Variants in MYOM3 observed in about 807,000 individuals in gnomAD.
MYOM3 encodes myomesin-3.
In MYOM3, 155 loss-of-function variants were observed where a neutral mutation model predicts 191.7. The ratio of observed to expected loss-of-function variants is 0.81; its 90% CI spans 0.71 to 0.92. The LOEUF (loss-of-function observed/expected upper bound fraction) is 0.92. Among genes scored for constraint, MYOM3 ranks in the 40% least tolerant of loss-of-function variants. The pLI is 0.00. For missense variants in MYOM3, 1,889 were observed against 1,890.6 expected, an observed-to-expected ratio of 1.00 and a Z score of 0.02; for synonymous variants, 757 against 762.9, an observed-to-expected ratio of 0.99 and a Z score of 0.13.
chr1:24,110,461 A>C (rs996424928), intron 1 of MYOM3, among the ~76,000 whole-genome samples: 15 of 152,134 alleles, frequency 9.9e-5, no homozygotes, highest in Non-Finnish European at 2.1e-4. Flanking sequence ...ATGGCATGGA[A>C]GGTGAGCCCA....
Position 24,106,099 on chromosome 1 carries a change from T to C in MYOM3, c.403-22A>G, listed in dbSNP as rs367749261. 3.0e-5 allele frequency: 48 copies of C among 1,584,126 alleles called. No individual in the cohort carries two copies. The African/African-American group carries it at 6.0e-4, about 20-fold the overall frequency. ...CTGTCTGGAGGCGGGAAGAGGTGTA[T>C]GACGCTGTGAGCCAGGGACCACCTC... On this transcript the variant is annotated intron_variant, in intron 4 of 36. Transcript: ENST00000374434.
At chr1:24,078,061 C>T (rs992259753) in intron 20 of MYOM3, among the ~76,000 whole-genome samples, 3 of 152,052 alleles carry the variant, frequency 2.0e-5, no homozygotes, top group Admixed American at 2.0e-4. Context: ...ACTAAAGCGC[C>T]CCTGGCAGGC....
rs566461334 is a variant in MYOM3 at position 24,111,575 on chromosome 1, T to A, written c.-19+456A>T. Among the ~76,000 whole-genome samples the A allele has an allele frequency of 6.6e-6, 1 of 152,288 alleles. No individual in the cohort carries two copies. Among genetic ancestry groups the A allele is most frequent in the East Asian group, 1.9e-4 (1 of 5,178 alleles). The stretch of plus-strand genomic sequence containing the variant: ...CACTGGATGAAATCCCTTCCAGCTC[T>A]AAGATTTGGGATCCGAGGGCTCGCT... On this transcript the variant is annotated intron_variant, in intron 1 of 36. Transcript: ENST00000374434. This position sits in a 1 kb window ranked among gnomAD's most constrained non-coding sequence, Gnocchi z 4.7.
rs750107306 is a variant in MYOM3 at position 24,090,791 on chromosome 1, A to G, written c.1432+6T>C. The G allele has an allele frequency of 1.9e-6, 3 of 1,613,696 alleles. No individual in the cohort carries two copies. The highest frequency in any genetic ancestry group is 3.3e-5 in the Admixed American group (2 of 59,990). On this transcript the variant is annotated splice_donor_region_variant and intron_variant, in intron 12 of 36. Transcript: ENST00000374434. ...CTAGAAAGTCGCTTAGGACCTCTGT[A>G]CCCACCTGTCTTCCTCCGGGCTGCA... is the stretch of plus-strand genomic sequence containing the variant.
At chr1:24,065,642 T>G (rs1570853159) in intron 29 of MYOM3, 2 of 548,216 alleles carry the variant, frequency 3.6e-6, no homozygotes, top group Non-Finnish European at 3.3e-6. Context: ...GTAATACTGA[T>G]TCTGTCTCTA....
intron 5 of MYOM3, among the ~76,000 whole-genome samples, chr1:24,103,485 G>C (rs1443538603): frequency 1.3e-5 from 2 of 152,198 alleles, no homozygotes; most frequent in Non-Finnish European, 2.9e-5. Flanking sequence ...ACTTATAATG[G>C]AACAGGAATT....
chr1:24,107,603 C>T (rs1643995579), intron 3 of MYOM3, among the ~76,000 whole-genome samples: 1 of 152,192 alleles, frequency 6.6e-6, no homozygotes, highest in Non-Finnish European at 1.5e-5. Context: ...TGCCCCAAGC[C>T]GAACGCTGCC....
chr1:24,073,764 C>A (rs774726983), intron 23 of MYOM3, among the ~76,000 whole-genome samples: 2 of 149,686 alleles, frequency 1.3e-5, no homozygotes, highest in Non-Finnish European at 3.0e-5. Flanking sequence ...TTGGGAGGCT[C>A]AGGCAGGAGA....
At chr1:24,080,331 G>T in intron 19 of MYOM3, 137 bp from the exon 20 acceptor site, 2 of 682,358 alleles carry the variant, frequency 2.9e-6, no homozygotes. Flanking sequence ...GGCCTGTTCT[G>T]GGTGTCGCCA....
At chr1:24,091,074 T>C (rs1207816158) in intron 11 of MYOM3, 78 bp from the exon 12 acceptor site, 20 of 1,499,006 alleles carry the variant, frequency 1.3e-5, no homozygotes, top group African/African-American at 2.8e-5. Context: ...CAAGGGCCTT[T>C]CTCTGACTGG....
intron 20 of MYOM3, among the ~76,000 whole-genome samples, chr1:24,077,210 T>G (rs1011787211): frequency 3.3e-5 from 5 of 152,192 alleles, no homozygotes; most frequent in Non-Finnish European, 5.9e-5. Flanking sequence ...CCTGGGGCAG[T>G]CCAACAGTTT....
Position 24,106,083 on chromosome 1 carries a change from G to A in MYOM3, c.403-6C>T. 6.2e-7 allele frequency: 1 copy of A among 1,605,978 alleles called. No individual in the cohort carries two copies. The highest frequency in any genetic ancestry group is 8.5e-7 in the Non-Finnish European group (1 of 1,177,238). ...TCCTGGACCTTCTCCTCTGTCTGGA[G>A]GCGGGAAGAGGTGTATGACGCTGTG... On this transcript the variant is annotated splice_region_variant and splice_polypyrimidine_tract_variant and intron_variant, in intron 4 of 36. Coordinates refer to ENST00000374434, the MANE Select transcript of MYOM3 (RefSeq NM_152372.4).
In MYOM3 at chr1:24,092,817, C is replaced by T. The variant is rs1442061885; in HGVS notation, c.1090+130G>A. On this transcript the variant is annotated intron_variant, in intron 10 of 36. Coordinates refer to ENST00000374434, the MANE Select transcript of MYOM3 (RefSeq NM_152372.4). ...AGTCTTGGAGACCCCAACCCAAAGC[C>T]CTGATTTTATGGTAGAGAAATTGAG... 6.3e-5 allele frequency: 61 copies of T among 964,964 alleles called. 1 individual carries two copies. The South Asian group carries it at 1.0e-3, about 17-fold the overall frequency. 59.8% of individuals were successfully genotyped at this position (964,964 alleles called of 1,614,324 possible). A position where few individuals can be genotyped will look rare whatever the true frequency, so the allele number is the denominator to read the frequency against.
intron 6 of MYOM3, 81 bp downstream of exon 6, chr1:24,099,599 G>C: frequency 8.9e-7 from 1 of 1,122,852 alleles, no homozygotes; most frequent in Non-Finnish European, 1.4e-6. Context: ...CCTCAGCTCC[G>C]AGGAAGGGTT....
intron 20 of MYOM3, among the ~76,000 whole-genome samples, chr1:24,079,366 AT>A (rs56358148): frequency 0.39 from 55,957 of 144,664 alleles, 10,971 homozygotes; most frequent in East Asian, 0.44. Flanking sequence ...ACACCTGGCT[AT>A]TTTTTTTTTT....
Position 24,081,331 on chromosome 1 carries a change from T to G in MYOM3, c.2406A>C (p.Pro802=). 6.2e-7 allele frequency: 1 copy of G among 1,613,740 alleles called. No individual in the cohort carries two copies. The highest frequency in any genetic ancestry group is 1.1e-5 in the South Asian group (1 of 91,048). Residue 802 remains proline (P), a splice_region_variant and synonymous_variant, in exon 19 of 37, where the codon CCA becomes CCC. Transcript: ENST00000374434. ...FECKEWTMPQ[P]GPPYDVRASE... ...ACTTCAGGCCTGCAGGCCTCTCACC[T>G]GGCTGGGGCATTGTCCACTCTTTGC...
chr1:24,085,720 A>T (rs548948091), intron 15 of MYOM3, among the ~76,000 whole-genome samples: 2 of 152,320 alleles, frequency 1.3e-5, no homozygotes, highest in South Asian at 4.1e-4. Flanking sequence ...GACTGCCCAC[A>T]TCTGATGACT....
intron 35 of MYOM3, 36 bp downstream of exon 35, chr1:24,061,024 C>G (rs376720938): frequency 1.9e-4 from 304 of 1,613,642 alleles, no homozygotes; most frequent in Non-Finnish European, 2.4e-4. Flanking sequence ...GCCCCAAATT[C>G]AGAAACAAAA....
intron 23 of MYOM3, among the ~76,000 whole-genome samples, chr1:24,073,861 T>TAAAAAA (rs55682709): frequency 9.6e-4 from 78 of 81,516 alleles, no homozygotes; most frequent in Non-Finnish European, 1.7e-3. Flanking sequence ...AGACTCCGTC[T>TAAAAAA]AAAAAAAAAA....
Sources: gnomAD v4.1 joint callset for allele counts (sites outside exome capture counted in the v4.1 genomes callset) on GRCh38, gnomAD v4.1.1 for gene constraint, Gnocchi (gnomAD v3.1) non-coding constraint, MANE v1.5 for transcripts, NCBI Gene and HGNC (gene_info 2026-07-23, HGNC 2026-07-21) for gene names.